Variants in RIN2 observed in about 807,000 individuals in gnomAD.
RIN2 encodes the protein RAB5 interacting protein 2.
Under a neutral mutation model 78.0 loss-of-function variants are expected in RIN2, and 36 were observed. That is an observed-to-expected ratio of 0.46 (90% confidence interval 0.35 to 0.61). The LOEUF (loss-of-function observed/expected upper bound fraction) is 0.61. Among genes scored for constraint, RIN2 ranks in the 20% least tolerant of loss-of-function variants. The pLI is 0.00. For synonymous variants in RIN2, 466 were observed against 466.8 expected, an observed-to-expected ratio of 1.00 and a Z score of 0.02; for missense variants, 1,087 against 1,159.7, an observed-to-expected ratio of 0.94 and a Z score of 0.91.
intron 3 of RIN2, among the ~76,000 whole-genome samples, chr20:19,922,460 A>G (rs2039963035): frequency 6.6e-6 from 1 of 152,100 alleles, no homozygotes; most frequent in African/African-American, 2.4e-5. Context: ...TGATGTTTCT[A>G]GGGATTTTCA....
chr20:19,841,776 G>T (rs1213443054), intron 2 of RIN2, among the ~76,000 whole-genome samples: 1 of 152,212 alleles, frequency 6.6e-6, no homozygotes, highest in African/African-American at 2.4e-5. Flanking sequence ...GTCACATGAG[G>T]AAGCTGCAGA....
intron 2 of RIN2, among the ~76,000 whole-genome samples, chr20:19,880,491 G>C (rs972672432): frequency 7.1e-6 from 1 of 140,974 alleles, no homozygotes; most frequent in Non-Finnish European, 1.5e-5. Flanking sequence ...GACCTTCCAG[G>C]CTCAAGCGAT....
intron 2 of RIN2, among the ~76,000 whole-genome samples, chr20:19,852,953 A>G (rs1297868973): frequency 1.3e-5 from 2 of 151,808 alleles, no homozygotes; most frequent in East Asian, 1.9e-4. Flanking sequence ...TTACATATGT[A>G]TACATGTGCC....
chr20:19,992,069 C>A, intron 10 of RIN2, 99 bp from the exon 11 acceptor site: 1 of 1,402,634 alleles, frequency 7.1e-7, no homozygotes. Flanking sequence ...ACAGTTCCCC[C>A]CAGAGTGACT....
At position 19,827,810 on chromosome 20, in the gene RIN2, C is replaced by CTT. The variant is rs34007899; in HGVS notation, c.-37+28077_-37+28078dup. On this transcript the variant is annotated intron_variant, in intron 2 of 12. Coordinates refer to ENST00000255006, the MANE Select transcript of RIN2 (RefSeq NM_018993.4). ...TTAGTAGGTTTGCTTTTCTTTTTTT[C>CTT]TTTTTTTTTTTTTTTGCTGCTAGTC... Among the ~76,000 whole-genome samples, 332 of 138,368 alleles carry CTT rather than the reference C, an allele frequency of 2.4e-3. 2 individuals are homozygous for CTT. The highest frequency in any genetic ancestry group is 4.4e-3 in the East Asian group (21 of 4,808). 90.8% of individuals were successfully genotyped at this position (138,368 alleles called of 152,430 possible).
chr20:19,884,138 C>A (rs927986489), intron 2 of RIN2, among the ~76,000 whole-genome samples: 1 of 151,090 alleles, frequency 6.6e-6, no homozygotes, highest in African/African-American at 2.4e-5. Flanking sequence ...GGATTAGGAC[C>A]AGGCGTGGTG....
chr20:19,945,550 C>A (rs1600895435), intron 4 of RIN2, among the ~76,000 whole-genome samples: 1 of 152,196 alleles, frequency 6.6e-6, no homozygotes, highest in Non-Finnish European at 1.5e-5. Context: ...ATTCTCCGTG[C>A]TGGAATAAAG....
At chr20:19,896,737 C>T (rs1229284015) in intron 3 of RIN2, among the ~76,000 whole-genome samples, 1 of 152,208 alleles carries the variant, frequency 6.6e-6, no homozygotes, top group Non-Finnish European at 1.5e-5. Flanking sequence ...TCTTCATAGA[C>T]ACTGACACCT....
At chr20:19,988,087 A>G (rs1029279144) in intron 9 of RIN2, among the ~76,000 whole-genome samples, 2 of 152,212 alleles carry the variant, frequency 1.3e-5, no homozygotes, top group African/African-American at 4.8e-5. Context: ...AGCGTCAGGA[A>G]TTCCAAAGGC....
intron 2 of RIN2, among the ~76,000 whole-genome samples, chr20:19,862,564 G>T (rs973404849): frequency 6.6e-6 from 1 of 152,188 alleles, no homozygotes; most frequent in African/African-American, 2.4e-5. Flanking sequence ...CTGCACTCCA[G>T]CCTGGGTGAC....
At chr20:19,842,887 G>T (rs2036626861) in intron 2 of RIN2, among the ~76,000 whole-genome samples, 1 of 151,894 alleles carries the variant, frequency 6.6e-6, no homozygotes, top group Admixed American at 6.6e-5. Context: ...CATTCTAGAT[G>T]TCACAAAGAA....
At chr20:19,784,369 G>C (rs140417731) in intron 1 of RIN2, among the ~76,000 whole-genome samples, 109 of 152,054 alleles carry the variant, frequency 7.2e-4, no homozygotes, top group African/African-American at 2.3e-3. Flanking sequence ...TATTACAAAG[G>C]GTTCCTTGTT....
intron 1 of RIN2, among the ~76,000 whole-genome samples, chr20:19,764,466 C>T (rs1261388242): frequency 1.3e-5 from 2 of 152,218 alleles, no homozygotes; most frequent in Non-Finnish European, 2.9e-5. Context: ...CTGACTTCAG[C>T]ACACCCATGT....
At chr20:19,801,047 T>C (rs2035225980) in intron 2 of RIN2, among the ~76,000 whole-genome samples, 1 of 152,168 alleles carries the variant, frequency 6.6e-6, no homozygotes, top group Non-Finnish European at 1.5e-5. Flanking sequence ...AAGCAAACCC[T>C]TGCAGAGTAA....
Position 19,992,303 on chromosome 20 carries a change from ACT to A in RIN2, c.2200+5_2200+6del, listed in dbSNP as rs2042820394. ...CCATCGCTGTTACATGGAGAAGGTA[ACT>A]GCTTTTGAGAAAAGTTGAAGGAACT... On this transcript the variant is annotated splice_donor_5th_base_variant and intron_variant, in intron 11 of 12. Coordinates refer to ENST00000255006, the MANE Select transcript of RIN2 (RefSeq NM_018993.4). 1.3e-6 allele frequency: 2 copies of A among 1,550,038 alleles called. No homozygotes were observed. The highest frequency in any genetic ancestry group is 1.7e-6 in the Non-Finnish European group (2 of 1,146,416).
intron 2 of RIN2, among the ~76,000 whole-genome samples, chr20:19,839,298 A>T (rs2036513308): frequency 6.6e-6 from 1 of 152,218 alleles, no homozygotes; most frequent in Non-Finnish European, 1.5e-5. Context: ...CTCCCTCCTC[A>T]TGGCAGTGAG....
At chr20:19,823,388 CTTT>C in intron 2 of RIN2, 4 of 376,692 alleles carry the variant, frequency 1.1e-5, no homozygotes, top group South Asian at 2.9e-5. Context: ...GCTCTGCCTG[CTTT>C]TTTTTTTTTC....
At chr20:19,776,350 T>C (rs1011340537) in intron 1 of RIN2, among the ~76,000 whole-genome samples, 3 of 152,206 alleles carry the variant, frequency 2.0e-5, no homozygotes, top group Non-Finnish European at 4.4e-5. Flanking sequence ...GGAGGCTTTA[T>C]TTGCATGACA....
intron 2 of RIN2, among the ~76,000 whole-genome samples, chr20:19,834,435 C>T (rs1325111389): frequency 2.0e-5 from 3 of 152,168 alleles, no homozygotes; most frequent in Non-Finnish European, 4.4e-5. Context: ...AATGGCCTAA[C>T]CCAAATCGCA....
Sources: gnomAD v4.1 joint callset for allele counts (sites outside exome capture counted in the v4.1 genomes callset) on GRCh38, gnomAD v4.1.1 for gene constraint, MANE v1.5 for transcripts, NCBI Gene and HGNC (gene_info 2026-07-23, HGNC 2026-07-21) for gene names.